RCSD1: variants seen among roughly 807,000 people sequenced by gnomAD.
RCSD1 encodes the protein RCSD domain containing 1, also known as capZ-interacting protein.
Under a neutral mutation model 42.5 loss-of-function variants are expected in RCSD1, and 26 were observed. That is an observed-to-expected ratio of 0.61 (90% confidence interval 0.45 to 0.85). The LOEUF (loss-of-function observed/expected upper bound fraction) is 0.85. RCSD1 is among the 40% of genes least tolerant of loss of function. The pLI is 0.00. For synonymous variants in RCSD1, 220 were observed against 212.2 expected, an observed-to-expected ratio of 1.04 and a Z score of -0.32; for missense variants, 571 against 528.3, an observed-to-expected ratio of 1.08 and a Z score of -0.79.
At chr1:167,660,554 T>G (rs1658519187) in intron 1 of RCSD1, among the ~76,000 whole-genome samples, 1 of 152,128 alleles carries the variant, frequency 6.6e-6, no homozygotes, top group African/African-American at 2.4e-5. Flanking sequence ...CTTGAAGTCT[T>G]GGGCTCAAGT....
chr1:167,639,264 A>AAAG (rs1657946893), intron 1 of RCSD1, among the ~76,000 whole-genome samples: 1 of 113,316 alleles, frequency 8.8e-6, no homozygotes, highest in Admixed American at 8.6e-5. Context: ...AACAAACAAA[A>AAAG]AGGTCCTCTG....
rs1231922583 is a variant in RCSD1, at chr1:167,708,295, A to G, written c.*3599A>G. Among the ~76,000 whole-genome samples, 1 of 152,232 alleles carries G rather than the reference A, an allele frequency of 6.6e-6. No homozygotes were observed. Among genetic ancestry groups the G allele is most frequent in the Non-Finnish European group, 1.5e-5 (1 of 68,040 alleles). The stretch of plus-strand genomic sequence containing the variant: ...CAAAAGAAGCTATGCTGGCAGGCAA[A>G]AAACAACAGCTGTTTCCCATAGGGC... On this transcript the variant is annotated 3_prime_UTR_variant, in exon 7 of 7. Coordinates refer to ENST00000367854, the MANE Select transcript of RCSD1 (RefSeq NM_052862.4).
At chr1:167,631,609 C>T (rs1657698469) in intron 1 of RCSD1, among the ~76,000 whole-genome samples, 1 of 152,228 alleles carries the variant, frequency 6.6e-6, no homozygotes, top group Non-Finnish European at 1.5e-5. Context: ...CTCAGCCTCC[C>T]AAGTGGCTGG....
At chr1:167,668,669 C>A (rs957998735) in intron 1 of RCSD1, among the ~76,000 whole-genome samples, 19 of 151,362 alleles carry the variant, frequency 1.3e-4, no homozygotes, top group African/African-American at 4.6e-4. Flanking sequence ...CATTCCTAAA[C>A]CCTGAGCACC....
chr1:167,652,020 T>G (rs1310904731), intron 1 of RCSD1, among the ~76,000 whole-genome samples: 5 of 42,054 alleles, frequency 1.2e-4, no homozygotes, highest in Non-Finnish European at 2.0e-4. Flanking sequence ...CTGTTCATCT[T>G]TTTTTTTTTT....
At chr1:167,694,438 A>G in intron 5 of RCSD1, 136 bp downstream of exon 5, 1 of 831,060 alleles carries the variant, frequency 1.2e-6, no homozygotes, top group Non-Finnish European at 1.9e-6. Flanking sequence ...TGTTAACCCA[A>G]GTGAAATTTC....
chr1:167,695,138 G>A (rs560503066), intron 5 of RCSD1, among the ~76,000 whole-genome samples: 1 of 152,372 alleles, frequency 6.6e-6, no homozygotes, highest in South Asian at 2.1e-4. Context: ...TGGTAAGGAG[G>A]GGTTCAGGCA....
intron 1 of RCSD1, among the ~76,000 whole-genome samples, chr1:167,648,533 C>T (rs1558074817): frequency 1.3e-5 from 2 of 152,236 alleles, no homozygotes; most frequent in Admixed American, 6.5e-5. Flanking sequence ...GAGCCCTTTC[C>T]TCCCAGGGTC....
intron 1 of RCSD1, 66 bp downstream of exon 1, chr1:167,630,495 G>A (rs1657668744): frequency 2.1e-6 from 3 of 1,459,650 alleles, no homozygotes; most frequent in Non-Finnish European, 2.7e-6. Flanking sequence ...CCCTTCCCCG[G>A]GCGGCTGCCC....
chr1:167,687,007 T>TAGGCTAGTGATTGGGTTAAACAGCTCC (rs1659250471), intron 3 of RCSD1, among the ~76,000 whole-genome samples: 1 of 152,194 alleles, frequency 6.6e-6, no homozygotes, highest in African/African-American at 2.4e-5. Context: ...CAGAGGGAGT[T>TAGGCTAGTGATTGGGTTAAACAGCTCC]AGGCTAGTGA....
intron 1 of RCSD1, among the ~76,000 whole-genome samples, chr1:167,669,825 A>G (rs1001203075): frequency 2.6e-5 from 4 of 152,160 alleles, no homozygotes; most frequent in Non-Finnish European, 4.4e-5. Context: ...CTCACTCCTG[A>G]CTGCAAGGGA....
chr1:167,673,173 TAAG>T (rs949794771), intron 1 of RCSD1, among the ~76,000 whole-genome samples: 1 of 152,122 alleles, frequency 6.6e-6, no homozygotes, highest in African/African-American at 2.4e-5. Flanking sequence ...AGCATAATTA[TAAG>T]AAGAAGAGAA....
intron 5 of RCSD1, among the ~76,000 whole-genome samples, chr1:167,695,889 T>C (rs941577062): frequency 6.6e-6 from 1 of 152,152 alleles, no homozygotes; most frequent in African/African-American, 2.4e-5. Context: ...AACATTTCCA[T>C]TGCACCTTTG....
intron 4 of RCSD1, among the ~76,000 whole-genome samples, chr1:167,690,686 GA>G (rs928931692): frequency 6.7e-6 from 1 of 149,468 alleles, no homozygotes; most frequent in Non-Finnish European, 1.5e-5. Flanking sequence ...AAAACGAAAA[GA>G]AAAAAAAAGA....
chr1:167,702,353 G>A (rs577178887), intron 6 of RCSD1, among the ~76,000 whole-genome samples: 1 of 152,336 alleles, frequency 6.6e-6, no homozygotes, highest in Admixed American at 6.5e-5. Flanking sequence ...GAAAGAAGGA[G>A]TCATCCTGGG....
intron 6 of RCSD1, 85 bp downstream of exon 6, chr1:167,697,927 C>G: frequency 7.6e-7 from 1 of 1,307,908 alleles, no homozygotes; most frequent in East Asian, 2.8e-5. Context: ...CGTACAGTCC[C>G]TTCATAAATC....
intron 1 of RCSD1, among the ~76,000 whole-genome samples, chr1:167,632,921 A>G (rs76304377): frequency 2.0e-3 from 302 of 152,306 alleles, no homozygotes; most frequent in African/African-American, 7.0e-3. Context: ...GATATGCAGG[A>G]GTTGGATTTG....
At chr1:167,688,817 G>A (rs538702837) in intron 3 of RCSD1, among the ~76,000 whole-genome samples, 1 of 152,282 alleles carries the variant, frequency 6.6e-6, no homozygotes, top group East Asian at 1.9e-4. Context: ...CAAGGAGCAG[G>A]TCATACACAT....
chr1:167,677,222 G>A lies in RCSD1; in HGVS notation c.7-6678G>A, dbSNP rs191228655. ...AAAGGCTGTTCACTCCTTGAGGGCC[G>A]TCACGGTTACCCCAATGCATTCTAC... On this transcript the variant is annotated intron_variant, in intron 1 of 6. Coordinates refer to ENST00000367854, the MANE Select transcript of RCSD1 (RefSeq NM_052862.4). Among the ~76,000 whole-genome samples, 362 of 152,248 alleles carry A rather than the reference G, an allele frequency of 2.4e-3. 2 individuals are homozygous for A. Among genetic ancestry groups the A allele is most frequent in the African/African-American group, 8.5e-3 (353 of 41,540 alleles).
Sources: gnomAD v4.1 joint callset for allele counts (sites outside exome capture counted in the v4.1 genomes callset) on GRCh38, gnomAD v4.1.1 for gene constraint, MANE v1.5 for transcripts, NCBI Gene and HGNC (gene_info 2026-07-23, HGNC 2026-07-21) for gene names.